DIP2C: variants seen among roughly 807,000 people sequenced by gnomAD.
DIP2C encodes disco-interacting protein 2 homolog C.
DIP2C carries 33 observed loss-of-function variants against 192.4 expected under a neutral mutation model. The ratio of observed to expected loss-of-function variants is 0.17; its 90% CI spans 0.13 to 0.23. The LOEUF (loss-of-function observed/expected upper bound fraction) is 0.23, where lower values mean the gene tolerates loss of function less well. Among genes scored for constraint, DIP2C ranks in the 10% least tolerant of loss-of-function variants. The pLI, the probability that DIP2C is intolerant of heterozygous loss-of-function variation, is 1.00. For synonymous variants in DIP2C, 979 were observed against 864.1 expected (o/e 1.13, Z -2.33); for missense variants, 1,537 against 2,110.1 (o/e 0.73, Z 5.32).
intron 29 of DIP2C, chr10:340,570 G>A (rs559724363): frequency 5.6e-6 from 2 of 354,494 alleles, no homozygotes; most frequent in East Asian, 7.5e-5. Context: ...GATTGTTGAT[G>A]GCTTTATTTT....
chr10:643,420 A>G (rs1855301243), intron 1 of DIP2C, among the ~76,000 whole-genome samples: 1 of 152,008 alleles, frequency 6.6e-6, no homozygotes, highest in Non-Finnish European at 1.5e-5. Context: ...AGGCTGAGGC[A>G]GGAGAATGGC....
At chr10:338,849 C>T (rs1024073169) in intron 29 of DIP2C, among the ~76,000 whole-genome samples, 3 of 150,044 alleles carry the variant, frequency 2.0e-5, no homozygotes, top group African/African-American at 7.4e-5. Flanking sequence ...CACGCTGCAC[C>T]CTGCCTGGCT....
At chr10:669,285 T>G (rs1011160334) in intron 1 of DIP2C, 4 of 152,156 alleles carry the variant, frequency 2.6e-5, no homozygotes, top group Non-Finnish European at 5.9e-5. Flanking sequence ...GCAGAGGGCC[T>G]GTTAGTCAAA....
chr10:391,770 T>C (rs554484729), intron 10 of DIP2C, among the ~76,000 whole-genome samples: 37 of 152,312 alleles, frequency 2.4e-4, no homozygotes, highest in Non-Finnish European at 4.1e-4. Flanking sequence ...TTATGGACCC[T>C]ACAAGGCCTG....
chr10:333,407 A>G (rs188195821), intron 29 of DIP2C, among the ~76,000 whole-genome samples: 3 of 152,266 alleles, frequency 2.0e-5, no homozygotes, highest in Non-Finnish European at 4.4e-5. Flanking sequence ...TCATCATTCT[A>G]CTTTGTTTAC....
intron 1 of DIP2C, among the ~76,000 whole-genome samples, chr10:565,353 C>CAAAAAAAAAAAAA (rs1849403194): frequency 1.1e-5 from 1 of 89,650 alleles, no homozygotes; most frequent in Non-Finnish European, 1.9e-5. Flanking sequence ...TACCTGCATT[C>CAAAAAAAAAAAAA]TAAAAAAAAA....
At chr10:402,049 A>T (rs564908985) in intron 9 of DIP2C, among the ~76,000 whole-genome samples, 1 of 78,304 alleles carries the variant, frequency 1.3e-5, no homozygotes, top group African/African-American at 4.8e-5. Flanking sequence ...TGTGTTCATC[A>T]GCACATGAAT....
intron 1 of DIP2C, among the ~76,000 whole-genome samples, chr10:501,181 G>C (rs987269246): frequency 2.0e-5 from 3 of 152,114 alleles, no homozygotes; most frequent in African/African-American, 7.2e-5. Context: ...GATGATTCCT[G>C]GTGCAACATG....
intron 31 of DIP2C, among the ~76,000 whole-genome samples, chr10:317,101 A>C (rs1589458320): frequency 6.6e-6 from 1 of 152,334 alleles, no homozygotes; most frequent in South Asian, 2.1e-4. Context: ...ATTTGCAAAA[A>C]TCACATTGAG....
intron 1 of DIP2C, among the ~76,000 whole-genome samples, chr10:511,096 C>G (rs974319004): frequency 6.6e-6 from 1 of 152,222 alleles, no homozygotes; most frequent in Non-Finnish European, 1.5e-5. Flanking sequence ...TACACACAGC[C>G]GTTTCTGAAG....
intron 1 of DIP2C, among the ~76,000 whole-genome samples, chr10:601,478 GCTCA>G (rs1358449757): frequency 1.5e-4 from 23 of 152,322 alleles, no homozygotes; most frequent in African/African-American, 5.1e-4. Context: ...TGGTGGGTTG[GCTCA>G]CTCAATTTCA....
chr10:645,993 G>A (rs542331065), intron 1 of DIP2C, among the ~76,000 whole-genome samples: 391 of 152,294 alleles, frequency 2.6e-3, no homozygotes, highest in Non-Finnish European at 4.2e-3. Flanking sequence ...ATTTAGGTGA[G>A]TTAACAGGCA....
chr10:475,824 T>C (rs1564758882), intron 2 of DIP2C, among the ~76,000 whole-genome samples: 2 of 152,276 alleles, frequency 1.3e-5, no homozygotes, highest in East Asian at 3.9e-4. Context: ...TAGGCGTCGC[T>C]CAACTGGATT....
rs143971822 is a variant in DIP2C at position 379,150 on chromosome 10, C to T, written c.1991+3497G>A. Among the ~76,000 whole-genome samples, 355 of 148,704 alleles carry T rather than the reference C, an allele frequency of 2.4e-3. 1 individual carries two copies. Among genetic ancestry groups the T allele is most frequent in the Non-Finnish European group, 3.3e-3 (223 of 67,370 alleles). On this transcript the variant is annotated intron_variant, in intron 17 of 36. Coordinates refer to ENST00000280886, the MANE Select transcript of DIP2C (RefSeq NM_014974.3). ...CAGGCGCCAGCCTGCTCCCACATAC[C>T]CATCGCCAGGGCTGCTGCTGGCTCC...
intron 1 of DIP2C, among the ~76,000 whole-genome samples, chr10:687,336 T>G (rs1831373009): frequency 6.6e-6 from 1 of 152,122 alleles, no homozygotes; most frequent in African/African-American, 2.4e-5. Context: ...ACTACCCCCA[T>G]AAACTCAACC....
At chr10:597,521 C>T (rs531007882) in intron 1 of DIP2C, among the ~76,000 whole-genome samples, 21 of 152,296 alleles carry the variant, frequency 1.4e-4, no homozygotes, top group South Asian at 8.3e-4. Flanking sequence ...AGGTGTGTGC[C>T]GAGGACACGC....
At chr10:577,286 T>C (rs977846146) in intron 1 of DIP2C, among the ~76,000 whole-genome samples, 3 of 152,226 alleles carry the variant, frequency 2.0e-5, no homozygotes, top group African/African-American at 7.2e-5. Flanking sequence ...AGTTTATCAC[T>C]AATTCACTAG....
chr10:671,738 GAGGAA>G, intron 1 of DIP2C, among the ~76,000 whole-genome samples: 1 of 124,370 alleles, frequency 8.0e-6, no homozygotes, highest in African/African-American at 3.2e-5. Flanking sequence ...CGCACGGACG[GAGGAA>G]ACGTCACAGA....
intron 2 of DIP2C, among the ~76,000 whole-genome samples, chr10:478,793 A>G (rs959281901): frequency 8.5e-4 from 129 of 151,622 alleles, no homozygotes; most frequent in African/African-American, 2.8e-3. Context: ...AGATACATCC[A>G]AATTCCCATC....
Sources: gnomAD v4.1 joint callset for allele counts (sites outside exome capture counted in the v4.1 genomes callset) on GRCh38, gnomAD v4.1.1 for gene constraint, MANE v1.5 for transcripts, NCBI Gene and HGNC (gene_info 2026-07-23, HGNC 2026-07-21) for gene names.